PTPRN2: variants seen among roughly 807,000 people sequenced by gnomAD.
PTPRN2 encodes receptor-type tyrosine-protein phosphatase N2.
PTPRN2 carries 74 observed loss-of-function variants against 118.8 expected under a neutral mutation model. That is an observed-to-expected ratio of 0.62 (90% CI 0.52 to 0.76). The LOEUF is 0.76. Ranked by LOEUF, PTPRN2 falls within the 30% of genes least tolerant of loss-of-function variation. The pLI, the probability that PTPRN2 is intolerant of heterozygous loss-of-function variation, is 0.00. For synonymous variants in PTPRN2, 641 were observed against 608.0 expected (o/e 1.05, Z -0.80); for missense variants, 1,481 against 1,394.4 (o/e 1.06, Z -0.99).
intron 15 of PTPRN2, among the ~76,000 whole-genome samples, chr7:157,605,164 A>C (rs1181824320): frequency 2.0e-5 from 3 of 152,178 alleles, no homozygotes; most frequent in Non-Finnish European, 2.9e-5. Context: ...TCAGGCATGG[A>C]GTGGCGAGGG....
intron 2 of PTPRN2, among the ~76,000 whole-genome samples, chr7:158,458,050 T>C (rs1818667252): frequency 6.6e-6 from 1 of 152,160 alleles, no homozygotes; most frequent in Non-Finnish European, 1.5e-5. Context: ...AAAGTTAATT[T>C]GGTGTCTCCT....
chr7:157,862,196 C>T (rs1483713660), intron 12 of PTPRN2, among the ~76,000 whole-genome samples: 1 of 152,254 alleles, frequency 6.6e-6, no homozygotes, highest in Non-Finnish European at 1.5e-5. Context: ...CAGCACGGTG[C>T]CTCCTTCACC....
At chr7:158,051,721 T>G (rs1220739901) in intron 11 of PTPRN2, among the ~76,000 whole-genome samples, 1 of 152,230 alleles carries the variant, frequency 6.6e-6, no homozygotes, top group African/African-American at 2.4e-5. Flanking sequence ...TTTAGATGTG[T>G]TTTTTATTCA....
chr7:158,489,315 C>T (rs1241258954), intron 2 of PTPRN2, among the ~76,000 whole-genome samples: 2 of 152,180 alleles, frequency 1.3e-5, no homozygotes, highest in African/African-American at 4.8e-5. Context: ...GGTGCAGTGG[C>T]GCACGCCTGT....
At chr7:158,164,941 C>T (rs1323844621) in intron 6 of PTPRN2, among the ~76,000 whole-genome samples, 2 of 151,756 alleles carry the variant, frequency 1.3e-5, no homozygotes, top group African/African-American at 4.8e-5. Flanking sequence ...GAACAGGAAG[C>T]TCGGCAGCTA....
chr7:157,890,081 T>A (rs1330180359), intron 12 of PTPRN2, among the ~76,000 whole-genome samples: 1 of 152,096 alleles, frequency 6.6e-6, no homozygotes, highest in Non-Finnish European at 1.5e-5. Context: ...CAGTTTTTTT[T>A]TTTTGGTGAA....
chr7:158,095,246 TA>T (rs1156971192), intron 10 of PTPRN2, among the ~76,000 whole-genome samples: 1 of 150,218 alleles, frequency 6.7e-6, no homozygotes, highest in Non-Finnish European at 1.5e-5. Flanking sequence ...GTGAGAAAAA[TA>T]AGAATAACGC....
intron 2 of PTPRN2, among the ~76,000 whole-genome samples, chr7:158,373,031 G>A (rs865968499): frequency 2.1e-4 from 32 of 152,188 alleles, no homozygotes; most frequent in African/African-American, 5.5e-4. Flanking sequence ...CAGAGGATGC[G>A]CTGCACAGGG....
chr7:158,480,954 T>A (rs1820600886), intron 2 of PTPRN2, among the ~76,000 whole-genome samples: 1 of 152,260 alleles, frequency 6.6e-6, no homozygotes, highest in African/African-American at 2.4e-5. Context: ...CAGCAAGCTC[T>A]CCAGAAGATC....
At chr7:158,365,580 G>A (rs1429966263) in intron 2 of PTPRN2, among the ~76,000 whole-genome samples, 1 of 152,142 alleles carries the variant, frequency 6.6e-6, no homozygotes, top group Non-Finnish European at 1.5e-5. Context: ...GGCATGCGTG[G>A]AGTCTGCTCC....
intron 12 of PTPRN2, among the ~76,000 whole-genome samples, chr7:157,804,031 G>A (rs1805478199): frequency 6.6e-6 from 1 of 152,212 alleles, no homozygotes; most frequent in South Asian, 2.1e-4. Flanking sequence ...TGCAAGAGTA[G>A]ATAATATTGA....
intron 15 of PTPRN2, among the ~76,000 whole-genome samples, chr7:157,605,853 G>A (rs1801971876): frequency 6.6e-6 from 1 of 152,200 alleles, no homozygotes; most frequent in Non-Finnish European, 1.5e-5. Context: ...CCTGGAAAAG[G>A]CACCATGAGT....
intron 11 of PTPRN2, among the ~76,000 whole-genome samples, chr7:157,934,739 TG>T (rs1563252438): frequency 6.6e-6 from 1 of 152,242 alleles, no homozygotes; most frequent in Non-Finnish European, 1.5e-5. Context: ...CTCAGTCTGC[TG>T]CCATTTCTTG....
At chr7:158,325,503 C>A (rs935307576) in intron 2 of PTPRN2, among the ~76,000 whole-genome samples, 1 of 152,162 alleles carries the variant, frequency 6.6e-6, no homozygotes, top group Non-Finnish European at 1.5e-5. Context: ...AACCACAATG[C>A]GCATACCTAT....
chr7:158,515,033 G>C (rs565108409), intron 1 of PTPRN2, among the ~76,000 whole-genome samples: 2 of 152,098 alleles, frequency 1.3e-5, no homozygotes, highest in Non-Finnish European at 2.9e-5. Context: ...AATTTGTGCC[G>C]AACATTTACG....
At position 157,627,605 on chromosome 7, in the gene PTPRN2, C is replaced by A. The variant is rs1803665403; in HGVS notation, c.2197-6096G>T. On this transcript the variant is annotated intron_variant, in intron 14 of 22. Transcript: ENST00000389418. This position sits in a 1 kb window ranked among gnomAD's most constrained non-coding sequence, Gnocchi z 4.2. ...CTGGGAGAACTCAGTCTGACATTTT[C>A]ATATTTTTAAACTCCATTAAGGGAA... Among the ~76,000 whole-genome samples, 1 of 152,148 alleles carries A rather than the reference C, an allele frequency of 6.6e-6. No individual in the cohort carries two copies. The highest frequency in any genetic ancestry group is 1.5e-5 in the Non-Finnish European group (1 of 68,022).
chr7:158,580,788 G>A (rs1221380322), intron 1 of PTPRN2, among the ~76,000 whole-genome samples: 2 of 152,186 alleles, frequency 1.3e-5, no homozygotes, highest in Admixed American at 6.5e-5. Context: ...AGCCCAGAAA[G>A]CATTCGGAAC....
At position 158,465,236 on chromosome 7, in the gene PTPRN2, C is replaced by T. The variant is rs147196767; in HGVS notation, c.163+24499G>A. ...TGGCTCTCCAGCCTTCAAATCCAGT[C>T]CTATCAAGATCCATCATGATTACTC... On this transcript the variant is annotated intron_variant, in intron 2 of 22. Coordinates refer to ENST00000389418, the MANE Select transcript of PTPRN2 (RefSeq NM_002847.5). Among the ~76,000 whole-genome samples the T allele has an allele frequency of 3.7e-3, 565 of 152,314 alleles. 3 individuals are homozygous for T. The highest frequency in any genetic ancestry group is 0.016 in the South Asian group (79 of 4,826).
chr7:158,247,455 T>C (rs1796332257), intron 3 of PTPRN2, among the ~76,000 whole-genome samples: 1 of 151,474 alleles, frequency 6.6e-6, no homozygotes, highest in Non-Finnish European at 1.5e-5. Flanking sequence ...TGTGCTCTTC[T>C]TCACGGCGCC....
Sources: allele counts gnomAD v4.1 joint callset (sites outside exome capture counted in the v4.1 genomes callset), GRCh38; gene constraint gnomAD v4.1.1; non-coding constraint Gnocchi (gnomAD v3.1); transcripts MANE v1.5; gene names NCBI Gene and HGNC (gene_info 2026-07-23, HGNC 2026-07-21).